Variants in PDE1B observed in about 807,000 individuals in gnomAD.
PDE1B encodes the protein phosphodiesterase 1B, also known as dual specificity calcium/calmodulin-dependent 3',5'-cyclic nucleotide phosphodiesterase 1B.
PDE1B carries 13 observed loss-of-function variants against 66.7 expected under a neutral mutation model. The ratio of observed to expected loss-of-function variants is 0.19; its 90% CI spans 0.13 to 0.31. The LOEUF (loss-of-function observed/expected upper bound fraction) is 0.31. PDE1B is among the 10% of genes least tolerant of loss of function. The probability of loss-of-function intolerance (pLI) is 1.00; values close to 1 mark genes in which losing one functional copy is unlikely to be tolerated. For synonymous variants in PDE1B, 230 were observed against 253.9 expected (o/e 0.91, Z 0.90); for missense variants, 485 against 682.3 (o/e 0.71, Z 3.22).
chr12:54,558,038 A>G (rs942105934), intron 2 of PDE1B, among the ~76,000 whole-genome samples: 3 of 152,046 alleles, frequency 2.0e-5, no homozygotes, highest in Admixed American at 6.6e-5. Flanking sequence ...CTGAGGCTCA[A>G]GCTGCTTAGA....
At position 54,573,577 on chromosome 12, in the gene PDE1B, A is replaced by G. The variant is rs758991111; in HGVS notation, c.963-31A>G. Reference sequence around the variant, plus strand: ...CCTCCTGCCCAGCAGCGCTGAGGGGACTGATTGCTTCTCTTTTTATGTCCG... The same window carrying G: ...CCTCCTGCCCAGCAGCGCTGAGGGGGCTGATTGCTTCTCTTTTTATGTCCG... On this transcript the variant is annotated intron_variant, in intron 9 of 15. Transcript: ENST00000243052. This position sits in a 1 kb window ranked among gnomAD's most constrained non-coding sequence, Gnocchi z 5.2. 2 of 1,611,266 alleles carry G rather than the reference A, an allele frequency of 1.2e-6. No individual in the cohort carries two copies. The highest frequency in any genetic ancestry group is 1.7e-6 in the Non-Finnish European group (2 of 1,177,564).
chr12:54,563,806 A>T (rs1235168920), intron 2 of PDE1B, among the ~76,000 whole-genome samples: 1 of 152,230 alleles, frequency 6.6e-6, no homozygotes, highest in Non-Finnish European at 1.5e-5. Flanking sequence ...TAAGATAAAC[A>T]TTCTCAAAGT....
At chr12:54,555,520 C>G (rs573955860) in intron 2 of PDE1B, among the ~76,000 whole-genome samples, 11 of 152,234 alleles carry the variant, frequency 7.2e-5, no homozygotes, top group African/African-American at 2.6e-4. Context: ...AGGAAAGAAG[C>G]CTGCACATCT....
chr12:54,550,909 C>A (rs1957268804), intron 2 of PDE1B, among the ~76,000 whole-genome samples: 1 of 152,150 alleles, frequency 6.6e-6, no homozygotes, highest in Admixed American at 6.5e-5. Flanking sequence ...AGCCATGCAC[C>A]ATGTTTATCT....
rs1163489816 is a variant in PDE1B at position 54,569,299 on chromosome 12, C to T, written c.343C>T (p.Arg115Ter). ...CCAGCAGGCCCGGGCCAAAGGCCGC[C>T]GAGCAGAGGAGAAGCCCAAGTTCCG... ...FTQQARAKGR[R>*]AEEKPKFRSI... Residue 115 changes from arginine to a stop codon, truncating the protein, a stop_gained, in exon 4 of 16, where the codon CGA becomes TGA. Transcript: ENST00000243052. LOFTEE classifies it high-confidence loss of function. The surrounding 1 kb of genome is among the most constrained non-coding windows in gnomAD (Gnocchi z 4.4). 6.2e-7 allele frequency: 1 copy of T among 1,613,972 alleles called. No homozygotes were observed. Among genetic ancestry groups the T allele is most frequent in the Non-Finnish European group, 8.5e-7 (1 of 1,179,948 alleles).
At position 54,575,851 on chromosome 12, in the gene PDE1B, C is replaced by T; in HGVS notation, c.1268-141C>T. 1 of 764,488 alleles carries T rather than the reference C, an allele frequency of 1.3e-6. No homozygotes were observed. The allele number at this position is 764,488 out of a possible 1,614,324, so 47.4% of individuals were successfully genotyped here. On this transcript the variant is annotated intron_variant, in intron 12 of 15. Coordinates refer to ENST00000243052, the MANE Select transcript of PDE1B (RefSeq NM_000924.4). The surrounding 1 kb of genome is among the most constrained non-coding windows in gnomAD (Gnocchi z 4.0). The stretch of plus-strand genomic sequence containing the variant: ...AGACATCATCCCAAAGCCTGCCCTG[C>T]ATTGGGAAGTTTTCAGCCCCAGGTT...
At chr12:54,561,761 C>CGTGTGT (rs3036634) in intron 2 of PDE1B, 60 of 440,394 alleles carry the variant, frequency 1.4e-4, no homozygotes, top group East Asian at 1.2e-3. Context: ...ATGTTTTGTG[C>CGTGTGT]GTGTGTGTGT....
At chr12:54,563,103 A>G (rs545972173) in intron 2 of PDE1B, among the ~76,000 whole-genome samples, 1 of 152,282 alleles carries the variant, frequency 6.6e-6, no homozygotes, top group Admixed American at 6.5e-5. Context: ...TTATTTATTT[A>G]ATGAACTTTT....
In PDE1B at chr12:54,573,094, G is replaced by A; in HGVS notation, c.736-54G>A. On this transcript the variant is annotated intron_variant, in intron 7 of 15. Transcript: ENST00000243052. The surrounding 1 kb of genome is among the most constrained non-coding windows in gnomAD (Gnocchi z 5.2). The stretch of plus-strand genomic sequence containing the variant: ...TCTAGCCTGTGTGTGGAGGTTCCTG[G>A]GAAGTGACCAGCAGGCGTCACCCCT... 7.7e-7 allele frequency: 1 copy of A among 1,295,868 alleles called. No homozygotes were observed. Among genetic ancestry groups the A allele is most frequent in the East Asian group, 2.3e-5 (1 of 43,460 alleles). 80.3% of individuals were successfully genotyped at this position (1,295,868 alleles called of 1,614,324 possible).
chr12:54,572,446 G>A (rs373827904), intron 6 of PDE1B, 155 bp from the exon 7 acceptor site: 12 of 704,142 alleles, frequency 1.7e-5, no homozygotes, highest in East Asian at 7.5e-5. Flanking sequence ...CCAGCAGGTG[G>A]TAGAGGCAGG....
intron 2 of PDE1B, chr12:54,561,295 C>T (rs1957406394): frequency 3.4e-6 from 1 of 295,654 alleles, no homozygotes; most frequent in Non-Finnish European, 6.0e-6. Flanking sequence ...TATTTCTGTC[C>T]TTTCTGGGCT....
rs1014949246 is a variant in PDE1B at position 54,557,510 on chromosome 12, A to G, written c.113+7525A>G. On this transcript the variant is annotated intron_variant, in intron 2 of 15. Coordinates refer to ENST00000243052, the MANE Select transcript of PDE1B (RefSeq NM_000924.4). ...CCTACTTCCCCAGTGTCTCCAACCC[A>G]GTCCCTGAATCTGAGAACCATAAAG... is the stretch of plus-strand genomic sequence containing the variant. 3.3e-5 allele frequency among the ~76,000 whole-genome samples: 5 copies of G among 152,334 alleles called. No individual in the cohort carries two copies. In the East Asian group the frequency reaches 9.6e-4, roughly 29 times the overall value.
At chr12:54,576,783 C>A in intron 14 of PDE1B, 82 bp downstream of exon 14, 1 of 1,430,672 alleles carries the variant, frequency 7.0e-7, no homozygotes, top group Non-Finnish European at 9.6e-7. Context: ...TTCTTAAGCC[C>A]CTGGGGAAAC....
intron 2 of PDE1B, among the ~76,000 whole-genome samples, chr12:54,560,553 C>G (rs182569432): frequency 4.7e-4 from 71 of 152,312 alleles, no homozygotes; most frequent in African/African-American, 1.7e-3. Flanking sequence ...ACGGCCCCAG[C>G]GTACATGTAT....
chr12:54,577,282 C>A lies in PDE1B; in HGVS notation c.1565C>A (p.Pro522Gln), dbSNP rs759250318. The A allele has an allele frequency of 3.7e-6, 6 of 1,613,934 alleles. No individual in the cohort carries two copies. In the Admixed American group the frequency reaches 5.0e-5, roughly 13 times the overall value. Residue 522 changes from proline (P) to glutamine (Q), a missense_variant, in exon 15 of 16, where the codon CCA becomes CAA. Physicochemically the swap from Pro to Gln is moderately conservative, Grantham distance 76. Around this residue, in one of 4 missense-constraint regions of PDE1B, gnomAD observed 126 missense variants for 133.8 expected, o/e 0.94. Coordinates refer to ENST00000243052, the MANE Select transcript of PDE1B (RefSeq NM_000924.4). ...TCCCCCTGTGAAGAAGAGGCCCCCCCATCCCCTGCCGAAGATGAACACAAC... is the reference window on the plus strand; with the variant it reads ...TCCCCCTGTGAAGAAGAGGCCCCCCAATCCCCTGCCGAAGATGAACACAAC... ...ELSPCEEEAP[P>Q]SPAEDEHNQN...
At position 54,569,177 on chromosome 12, in the gene PDE1B, G is replaced by A; in HGVS notation, c.228-7G>A. The A allele has an allele frequency of 1.3e-6, 2 of 1,597,524 alleles. No individual in the cohort carries two copies. The highest frequency in any genetic ancestry group is 1.7e-6 in the Non-Finnish European group (2 of 1,169,500). On this transcript the variant is annotated splice_region_variant and splice_polypyrimidine_tract_variant and intron_variant, in intron 3 of 15. Transcript: ENST00000243052. The surrounding 1 kb of genome is among the most constrained non-coding windows in gnomAD (Gnocchi z 4.4). ...TTTCCTCTGTGACTCCCCTTCTGGGGTCTCAGGCAAATCTTGGACACGGAG... is the reference window on the plus strand; with the variant it reads ...TTTCCTCTGTGACTCCCCTTCTGGGATCTCAGGCAAATCTTGGACACGGAG...
rs1957665602 is a variant in PDE1B, at chr12:54,573,839, C to G, written c.1064+130C>G. ...TAGAGACTCCACTGGCTTCAGGTAT[C>G]AGACTGCATCTCTATGTGAGAGAGA... On this transcript the variant is annotated intron_variant, in intron 10 of 15. Coordinates refer to ENST00000243052, the MANE Select transcript of PDE1B (RefSeq NM_000924.4). This position sits in a 1 kb window ranked among gnomAD's most constrained non-coding sequence, Gnocchi z 5.2. The G allele has an allele frequency of 5.8e-6, 4 of 690,990 alleles. No individual in the cohort carries two copies. Among genetic ancestry groups the G allele is most frequent in the Non-Finnish European group, 1.0e-5 (4 of 382,446 alleles). The allele number at this position is 690,990 out of a possible 1,614,324, so 42.8% of individuals were successfully genotyped here.
chr12:54,567,915 G>C (rs1957545558), intron 3 of PDE1B, among the ~76,000 whole-genome samples: 2 of 151,996 alleles, frequency 1.3e-5, no homozygotes, highest in African/African-American at 4.8e-5. Context: ...GAAGGGCAAT[G>C]GTGTGATCTT....
chr12:54,577,651 GC>G, intron 15 of PDE1B: 1 of 1,184,706 alleles, frequency 8.4e-7, no homozygotes. Flanking sequence ...GGGAAAAGGA[GC>G]CCAGCCAGGG....
Sources: allele counts gnomAD v4.1 joint callset (sites outside exome capture counted in the v4.1 genomes callset), GRCh38; gene constraint gnomAD v4.1.1; regional missense constraint gnomAD v4.1.1; non-coding constraint Gnocchi (gnomAD v3.1); transcripts MANE v1.5; gene names NCBI Gene and HGNC (gene_info 2026-07-23, HGNC 2026-07-21).